Variants in OGA observed in about 807,000 individuals in gnomAD.
OGA encodes protein O-GlcNAcase.
OGA carries 21 observed loss-of-function variants against 102.0 expected under a neutral mutation model. The ratio of observed to expected loss-of-function variants is 0.21; its 90% CI spans 0.15 to 0.30. The LOEUF is 0.30. OGA is among the 10% of genes least tolerant of loss of function. OGA has a pLI of 1.00. For synonymous variants in OGA, 408 were observed against 378.2 expected (o/e 1.08, Z -0.91); for missense variants, 765 against 1,107.8 (o/e 0.69, Z 4.39).
At chr10:101,807,542 G>T (rs1183065434) in intron 5 of OGA, among the ~76,000 whole-genome samples, 188 bp downstream of exon 5, 1 of 152,080 alleles carries the variant, frequency 6.6e-6, no homozygotes, top group East Asian at 1.9e-4. Context: ...CTTTTGCCTA[G>T]TCAGTTGTCA....
chr10:101,797,861 C>T, intron 10 of OGA, 119 bp downstream of exon 10: 1 of 971,986 alleles, frequency 1.0e-6, no homozygotes, highest in South Asian at 1.5e-5. Flanking sequence ...GAAACCTAGG[C>T]AACGAATTGA....
At chr10:101,810,162 T>C (rs1247607492) in intron 4 of OGA, 22 bp downstream of exon 4, 1 of 1,587,902 alleles carries the variant, frequency 6.3e-7, no homozygotes, top group East Asian at 2.2e-5. Context: ...TCAGGAAAAA[T>C]GAATAAAAAG....
intron 11 of OGA, among the ~76,000 whole-genome samples, chr10:101,793,240 A>AT (rs966865516): frequency 1.3e-4 from 19 of 151,718 alleles, no homozygotes; most frequent in African/African-American, 2.4e-4. Flanking sequence ...TGACAAATCT[A>AT]TTTTTTTTTA....
At chr10:101,803,462 A>C (rs868638031) in intron 7 of OGA, among the ~76,000 whole-genome samples, 7 of 137,012 alleles carry the variant, frequency 5.1e-5, no homozygotes, top group African/African-American at 1.3e-4. Context: ...AAAAAAAAAA[A>C]CAAAAAAAAA....
At chr10:101,812,552 G>A (rs529932091) in intron 3 of OGA, among the ~76,000 whole-genome samples, 1 of 152,200 alleles carries the variant, frequency 6.6e-6, no homozygotes, top group Non-Finnish European at 1.5e-5. Context: ...CAGTAGTGCT[G>A]ATCCTGTCTT....
At chr10:101,787,036 C>CT (rs77806430) in intron 15 of OGA, among the ~76,000 whole-genome samples, 3,951 of 140,064 alleles carry the variant, frequency 0.028, 158 homozygotes, top group African/African-American at 0.091. Flanking sequence ...CGTGCCCGGC[C>CT]TTTTTTTTTT....
At chr10:101,816,216 T>A (rs1019586513) in intron 1 of OGA, among the ~76,000 whole-genome samples, 5 of 152,070 alleles carry the variant, frequency 3.3e-5, no homozygotes, top group Non-Finnish European at 7.4e-5. Flanking sequence ...TGAGCCGCGA[T>A]CACGCCACTG....
At chr10:101,817,310 G>T (rs1458989723) in intron 1 of OGA, among the ~76,000 whole-genome samples, 1 of 152,146 alleles carries the variant, frequency 6.6e-6, no homozygotes, top group East Asian at 1.9e-4. Context: ...AGTTGCAAAT[G>T]AATCTTTGCG....
At chr10:101,797,620 C>T in intron 10 of OGA, 1 of 411,060 alleles carries the variant, frequency 2.4e-6, no homozygotes, top group Non-Finnish European at 4.4e-6. Flanking sequence ...ACACAGCAAG[C>T]AGCAGAAAGC....
chr10:101,796,197 G>GCAAC (rs917377692), intron 10 of OGA, among the ~76,000 whole-genome samples: 2 of 152,118 alleles, frequency 1.3e-5, no homozygotes, highest in African/African-American at 4.8e-5. Context: ...TTGTCATCCA[G>GCAAC]CAACCAATAT....
At chr10:101,793,032 T>A (rs1423020320) in intron 11 of OGA, 89 bp from the exon 12 acceptor site, 1 of 982,154 alleles carries the variant, frequency 1.0e-6, no homozygotes. Context: ...CCAACTTATA[T>A]TAACTGGCTA....
intron 6 of OGA, 57 bp downstream of exon 6, chr10:101,805,988 A>C: frequency 2.5e-6 from 3 of 1,207,028 alleles, no homozygotes; most frequent in Non-Finnish European, 2.5e-6. Flanking sequence ...AAGAACAAGC[A>C]ATTTCTGCAA....
At chr10:101,816,080 TGGGCAAC>T (rs1183410183) in intron 1 of OGA, among the ~76,000 whole-genome samples, 7 of 148,376 alleles carry the variant, frequency 4.7e-5, no homozygotes, top group African/African-American at 1.5e-4. Flanking sequence ...GAAACCTGCC[TGGGCAAC>T]ACGGTGAAAC....
In OGA at chr10:101,817,978, G is replaced by C. The variant is rs763826945; in HGVS notation, c.45C>G (p.Ser15Arg). ...AGGCGGCAGGGTTGGAGCTGAGCTC[G>C]CTCTCCCGCTCCTCCAACGTCGCTT... ...ESQATLEERESELSSNPAASA... is the reference protein window; with the variant it reads ...ESQATLEERERELSSNPAASA... The change falls in exon 1 of 16, where the codon AGC (serine) becomes AGG (arginine). Residue 15 changes from serine (S) to arginine (R), a missense_variant. Ser to Arg is a moderately radical substitution (Grantham distance 110). This residue lies in a region of OGA where 117 missense variants were observed against 85.7 expected (regional missense o/e 1.36). Coordinates refer to ENST00000361464, the MANE Select transcript of OGA (RefSeq NM_012215.5). 1 of 1,603,908 alleles carries C rather than the reference G, an allele frequency of 6.2e-7. No individual in the cohort carries two copies.
intron 12 of OGA, 173 bp downstream of exon 12, chr10:101,792,666 A>AAC (rs1395859619): frequency 1.3e-4 from 67 of 514,428 alleles, no homozygotes; most frequent in African/African-American, 1.1e-3. Flanking sequence ...CAAGATGTTA[A>AAC]AAGTCTAAAC....
At chr10:101,807,370 T>C (rs2065490414) in intron 5 of OGA, among the ~76,000 whole-genome samples, 1 of 152,106 alleles carries the variant, frequency 6.6e-6, no homozygotes, top group African/African-American at 2.4e-5. Context: ...GGGACAGATA[T>C]GCATGGGCAG....
At position 101,798,869 on chromosome 10, in the gene OGA, G is replaced by A. The variant is rs750993737; in HGVS notation, c.1782C>T (p.Val594=). Residue 594 remains valine (V), a synonymous_variant, in exon 9 of 16, where the codon GTC becomes GTT. Transcript: ENST00000361464. Reference sequence around the variant, plus strand: ...TTTCAGAGTCTTTTCCTTTGCAATTGACACTGACAACACTACTATTTGCTC... The same window carrying A: ...TTTCAGAGTCTTTTCCTTTGCAATTAACACTGACAACACTACTATTTGCTC... The part of the protein sequence containing the change: ...WLRANSSVVS[V]NCKGKDSEKI... The A allele has an allele frequency of 1.2e-6, 2 of 1,613,524 alleles. No homozygotes were observed. Among genetic ancestry groups the A allele is most frequent in the Non-Finnish European group, 1.7e-6 (2 of 1,179,770 alleles).
At chr10:101,802,327 T>A (rs905418312) in intron 7 of OGA, among the ~76,000 whole-genome samples, 5 of 152,304 alleles carry the variant, frequency 3.3e-5, no homozygotes, top group Admixed American at 1.3e-4. Flanking sequence ...ACAACACTTA[T>A]CACACTATAG....
intron 4 of OGA, among the ~76,000 whole-genome samples, chr10:101,809,421 CAGA>C (rs2065519972): frequency 6.6e-6 from 1 of 152,144 alleles, no homozygotes; most frequent in Non-Finnish European, 1.5e-5. Flanking sequence ...ATTCCTCTAT[CAGA>C]AGGATTCAAG....
Sources: allele counts gnomAD v4.1 joint callset (sites outside exome capture counted in the v4.1 genomes callset), GRCh38; gene constraint gnomAD v4.1.1; regional missense constraint gnomAD v4.1.1; transcripts MANE v1.5; gene names NCBI Gene and HGNC (gene_info 2026-07-23, HGNC 2026-07-21).